Variants in LRRC4C observed in about 807,000 individuals in gnomAD.
LRRC4C encodes leucine-rich repeat-containing protein 4C.
In LRRC4C, 5 loss-of-function variants were observed where a neutral mutation model predicts 33.6. That is an observed-to-expected ratio of 0.15 (90% CI 0.08 to 0.31). The LOEUF (loss-of-function observed/expected upper bound fraction) is 0.31. LRRC4C is among the 10% of genes least tolerant of loss of function. LRRC4C has a pLI of 1.00. For synonymous variants in LRRC4C, 329 were observed against 302.0 expected, an observed-to-expected ratio of 1.09 and a Z score of -0.93; for missense variants, 560 against 796.7, an observed-to-expected ratio of 0.70 and a Z score of 3.58.
intron 1 of LRRC4C, among the ~76,000 whole-genome samples, chr11:40,969,358 TAAC>T (rs1851564189): frequency 6.6e-6 from 1 of 150,980 alleles, no homozygotes; most frequent in Non-Finnish European, 1.5e-5. Flanking sequence ...TTTGAAATGA[TAAC>T]AAATAATTTA....
chr11:40,422,773 A>C (rs961777310), intron 3 of LRRC4C, among the ~76,000 whole-genome samples: 1 of 152,018 alleles, frequency 6.6e-6, no homozygotes. Flanking sequence ...TTGGGCATTG[A>C]GGGACAGTTC....
chr11:41,120,893 C>T (rs1017973076), intron 1 of LRRC4C, among the ~76,000 whole-genome samples: 1 of 152,038 alleles, frequency 6.6e-6, no homozygotes, highest in African/African-American at 2.4e-5. Context: ...GGCACTTCCC[C>T]CTTTGCTCTC....
chr11:40,463,919 T>G (rs1952530064), intron 3 of LRRC4C, among the ~76,000 whole-genome samples: 2 of 152,062 alleles, frequency 1.3e-5, no homozygotes, highest in African/African-American at 4.8e-5. Flanking sequence ...TTATCCCTGT[T>G]GTAAAATATC....
At chr11:40,960,813 A>C (rs1226445038) in intron 1 of LRRC4C, among the ~76,000 whole-genome samples, 1 of 151,752 alleles carries the variant, frequency 6.6e-6, no homozygotes, top group East Asian at 1.9e-4. Flanking sequence ...AAAGGCTGTC[A>C]GTGGGTGCTG....
At chr11:41,385,297 GA>G (rs1163335483) in intron 1 of LRRC4C, among the ~76,000 whole-genome samples, 1 of 151,510 alleles carries the variant, frequency 6.6e-6, no homozygotes, top group Admixed American at 6.6e-5. Flanking sequence ...AAATACTGCA[GA>G]ATATACTCTT....
At chr11:40,712,316 G>A (rs1445943842) in intron 2 of LRRC4C, among the ~76,000 whole-genome samples, 3 of 151,914 alleles carry the variant, frequency 2.0e-5, no homozygotes, top group African/African-American at 4.8e-5. Context: ...TACTTAAAAC[G>A]CTTTGATTTT....
chr11:40,174,621 T>C (rs1860322252), intron 5 of LRRC4C, among the ~76,000 whole-genome samples: 2 of 152,176 alleles, frequency 1.3e-5, no homozygotes, highest in Non-Finnish European at 2.9e-5. Flanking sequence ...ACAGTCCCAT[T>C]TGTGCTTTTA....
At chr11:40,957,975 G>A (rs1345079598) in intron 1 of LRRC4C, among the ~76,000 whole-genome samples, 1 of 151,550 alleles carries the variant, frequency 6.6e-6, no homozygotes, top group Non-Finnish European at 1.5e-5. Flanking sequence ...GGGGTCTTTG[G>A]AGGTGATTAC....
intron 1 of LRRC4C, among the ~76,000 whole-genome samples, chr11:41,141,116 CA>C: frequency 6.6e-6 from 1 of 152,122 alleles, no homozygotes; most frequent in East Asian, 1.9e-4. Flanking sequence ...AACTTCAAAG[CA>C]AAAAGTTTTC....
At chr11:41,109,775 T>C (rs1211767295) in intron 1 of LRRC4C, among the ~76,000 whole-genome samples, 1 of 152,074 alleles carries the variant, frequency 6.6e-6, no homozygotes, top group Non-Finnish European at 1.5e-5. Flanking sequence ...ACACCATTTC[T>C]TCCCATTGAA....
At chr11:40,469,327 G>A (rs561399159) in intron 3 of LRRC4C, among the ~76,000 whole-genome samples, 2 of 152,166 alleles carry the variant, frequency 1.3e-5, no homozygotes, top group African/African-American at 2.4e-5. Flanking sequence ...GGACCATGCC[G>A]TGAGGAATGG....
At chr11:40,812,010 A>G (rs569045794) in intron 2 of LRRC4C, among the ~76,000 whole-genome samples, 2 of 152,286 alleles carry the variant, frequency 1.3e-5, no homozygotes, top group African/African-American at 4.8e-5. Flanking sequence ...TCCAACCTTC[A>G]TGCACCTTTT....
rs142484540 is a variant in LRRC4C, at chr11:40,389,991, A to G, written c.-269-70270T>C. On this transcript the variant is annotated intron_variant, in intron 3 of 6. Coordinates refer to ENST00000528697, the MANE Select transcript of LRRC4C (RefSeq NM_001258419.2). The stretch of plus-strand genomic sequence containing the variant: ...TGCAGTATTCTAACTCAGGGCCATT[A>G]TATTTTGCTAGGTTAAAAGGATCCC... 9.2e-4 allele frequency among the ~76,000 whole-genome samples: 140 copies of G among 152,278 alleles called. 2 individuals carry two copies. In the East Asian group the frequency reaches 0.024, roughly 26 times the overall value.
rs570783306 is a variant in LRRC4C, at chr11:40,981,045, A to G, written c.-495-47322T>C. ...GGAAGCAAAGGCAGAAAGAGATTAA[A>G]TAACATGCCTAAGGTCACACAGCTA... On this transcript the variant is annotated intron_variant, in intron 1 of 6. Transcript: ENST00000528697. Among the ~76,000 whole-genome samples the G allele has an allele frequency of 3.9e-5, 6 of 152,356 alleles. No homozygotes were observed. In the South Asian group the frequency reaches 1.2e-3, roughly 32 times the overall value.
intron 2 of LRRC4C, among the ~76,000 whole-genome samples, chr11:40,896,960 A>T (rs1045545056): frequency 1.3e-5 from 2 of 152,202 alleles, no homozygotes; most frequent in Non-Finnish European, 2.9e-5. Context: ...TATCTAAAGT[A>T]CTAGGAGAGT....
intron 3 of LRRC4C, among the ~76,000 whole-genome samples, chr11:40,514,931 C>T (rs1247537534): frequency 6.6e-6 from 1 of 152,152 alleles, no homozygotes; most frequent in Non-Finnish European, 1.5e-5. Flanking sequence ...CCTATCTCAT[C>T]TGTTCCCAGT....
chr11:40,723,558 C>A (rs1229840313), intron 2 of LRRC4C, among the ~76,000 whole-genome samples: 1 of 152,082 alleles, frequency 6.6e-6, no homozygotes, highest in African/African-American at 2.4e-5. Flanking sequence ...CAAACAATTG[C>A]TAATGAAATT....
At chr11:41,296,085 ATGAAGTG>A (rs2137042578) in intron 1 of LRRC4C, among the ~76,000 whole-genome samples, 2 of 152,322 alleles carry the variant, frequency 1.3e-5, no homozygotes, top group African/African-American at 4.8e-5. Context: ...GAAAGGGAGA[ATGAAGTG>A]TGGATCAATA....
At chr11:41,417,796 C>G (rs905637665) in intron 1 of LRRC4C, among the ~76,000 whole-genome samples, 1 of 151,788 alleles carries the variant, frequency 6.6e-6, no homozygotes, top group African/African-American at 2.4e-5. Flanking sequence ...AAAAGTGTCC[C>G]TGATGCTCAT....
Sources: gnomAD v4.1 joint callset for allele counts (sites outside exome capture counted in the v4.1 genomes callset) on GRCh38, gnomAD v4.1.1 for gene constraint, MANE v1.5 for transcripts, NCBI Gene and HGNC (gene_info 2026-07-23, HGNC 2026-07-21) for gene names.